Variants in TAF3 observed in about 807,000 individuals in gnomAD.
The protein encoded by TAF3 is transcription initiation factor TFIID subunit 3.
Under a neutral mutation model 80.6 loss-of-function variants are expected in TAF3, and 7 were observed. That is an observed-to-expected ratio of 0.09 (90% CI 0.05 to 0.16). The LOEUF (loss-of-function observed/expected upper bound fraction) is 0.16, where lower values mean the gene tolerates loss of function less well. Among genes scored for constraint, TAF3 ranks in the 10% least tolerant of loss-of-function variants. The pLI, the probability that TAF3 is intolerant of heterozygous loss-of-function variation, is 1.00. For missense variants in TAF3, 921 were observed against 1,140.2 expected (o/e 0.81, Z 2.77); for synonymous variants, 444 against 446.1 (o/e 1.00, Z 0.06).
intron 2 of TAF3, among the ~76,000 whole-genome samples, chr10:7,922,483 T>C (rs1214975141): frequency 1.3e-5 from 2 of 152,106 alleles, no homozygotes; most frequent in Non-Finnish European, 2.9e-5. Context: ...TACCTCAATA[T>C]CTTTTTAAAT....
intron 2 of TAF3, among the ~76,000 whole-genome samples, chr10:7,918,082 G>T (rs1837728923): frequency 6.6e-6 from 1 of 152,212 alleles, no homozygotes; most frequent in Non-Finnish European, 1.5e-5. Context: ...CTCATGGATG[G>T]TTAGTGTGGG....
intron 2 of TAF3, among the ~76,000 whole-genome samples, chr10:7,856,584 G>A (rs1837082094): frequency 6.6e-6 from 1 of 152,122 alleles, no homozygotes; most frequent in Admixed American, 6.5e-5. Context: ...CAGAGCAGAA[G>A]CCTAGGAGCA....
In TAF3 at chr10:7,965,559, A is replaced by G; in HGVS notation, c.2049A>G (p.Pro683=). The G allele has an allele frequency of 1.2e-6, 2 of 1,600,472 alleles. No homozygotes were observed. The highest frequency in any genetic ancestry group is 1.7e-6 in the Non-Finnish European group (2 of 1,176,736). The change falls in exon 3 of 7, where the codon CCA becomes CCG. Residue 683 remains proline, a synonymous_variant. Coordinates refer to ENST00000344293, the MANE Select transcript of TAF3 (RefSeq NM_031923.4). The part of the protein sequence containing the change: ...RVPAMLPSLL[P]VLPEKLFEEK... ...CAGCCATGCTGCCATCTTTGTTGCC[A>G]GTGCTTCCGGAAAAACTGTTTGAGG...
chr10:7,849,721 C>G (rs943269331), intron 2 of TAF3, among the ~76,000 whole-genome samples: 2 of 151,708 alleles, frequency 1.3e-5, no homozygotes, highest in Non-Finnish European at 2.9e-5. Context: ...ACTCTGTCAC[C>G]CAGGCTGGAG....
At chr10:7,881,239 C>CAA (rs367722402) in intron 2 of TAF3, among the ~76,000 whole-genome samples, 22 of 109,140 alleles carry the variant, frequency 2.0e-4, no homozygotes, top group African/African-American at 5.9e-4. Context: ...GACCCTGTCT[C>CAA]AAAAAAAAAA....
intron 2 of TAF3, among the ~76,000 whole-genome samples, chr10:7,899,598 A>G (rs1235462107): frequency 6.6e-6 from 1 of 152,190 alleles, no homozygotes; most frequent in Non-Finnish European, 1.5e-5. Flanking sequence ...GAAGGTTAAG[A>G]CAGTCTGTGC....
At chr10:7,890,592 G>A (rs1837449492) in intron 2 of TAF3, among the ~76,000 whole-genome samples, 1 of 152,218 alleles carries the variant, frequency 6.6e-6, no homozygotes, top group Admixed American at 6.5e-5. Flanking sequence ...TTCTGTGAGT[G>A]TTGATTGTCT....
At chr10:7,878,667 G>C (rs17143053) in intron 2 of TAF3, among the ~76,000 whole-genome samples, 2,498 of 152,116 alleles carry the variant, frequency 0.016, 69 homozygotes, top group African/African-American at 0.057. Flanking sequence ...TCCCTCTCTA[G>C]ATGCACTATA....
intron 4 of TAF3, among the ~76,000 whole-genome samples, chr10:8,002,691 C>T (rs1159462008): frequency 6.6e-6 from 1 of 152,024 alleles, no homozygotes; most frequent in Admixed American, 6.5e-5. Flanking sequence ...TTTTAAATGT[C>T]CATAGAGTCA....
At chr10:7,966,083 C>T (rs1184037646) in intron 3 of TAF3, among the ~76,000 whole-genome samples, 1 of 152,074 alleles carries the variant, frequency 6.6e-6, no homozygotes, top group East Asian at 1.9e-4. Flanking sequence ...ATCAAGTGTA[C>T]TGCATTATAT....
intron 2 of TAF3, among the ~76,000 whole-genome samples, chr10:7,827,868 G>A (rs1836759332): frequency 6.6e-6 from 1 of 151,786 alleles, no homozygotes; most frequent in Non-Finnish European, 1.5e-5. Flanking sequence ...GTGGTGGGAG[G>A]ATCAGTTGAG....
In TAF3 at chr10:7,964,854, C is replaced by T. The variant is rs377702300; in HGVS notation, c.1344C>T (p.Ser448=). Residue 448 remains serine (S), a synonymous_variant, in exon 3 of 7, where the codon TCC becomes TCT. Transcript: ENST00000344293. The surrounding 1 kb of genome is among the most constrained non-coding windows in gnomAD (Gnocchi z 4.1). ...TSANNFTKSG[S]TPLPLSGGTS... ...CGAACAATTTCACAAAGTCAGGATCCACTCCTCTGCCTCTTTCCGGTGGAA... is the reference window on the plus strand; with the variant it reads ...CGAACAATTTCACAAAGTCAGGATCTACTCCTCTGCCTCTTTCCGGTGGAA... The T allele has an allele frequency of 2.5e-6, 4 of 1,614,072 alleles. No individual in the cohort carries two copies. The African/African-American group carries it at 4.0e-5, about 16-fold the overall frequency.
At chr10:8,006,312 G>T (rs1050839301) in intron 4 of TAF3, among the ~76,000 whole-genome samples, 1 of 151,750 alleles carries the variant, frequency 6.6e-6, no homozygotes, top group Non-Finnish European at 1.5e-5. Flanking sequence ...GGAGGCGGAG[G>T]TTGCAGTGAG....
intron 5 of TAF3, among the ~76,000 whole-genome samples, chr10:8,013,512 A>G (rs1346275365): frequency 1.3e-5 from 2 of 152,200 alleles, no homozygotes; most frequent in Admixed American, 6.5e-5. Context: ...ATTCGTTAGA[A>G]ATGCCTTATC....
At chr10:7,872,403 G>A (rs1038896628) in intron 2 of TAF3, among the ~76,000 whole-genome samples, 2 of 151,992 alleles carry the variant, frequency 1.3e-5, no homozygotes, top group African/African-American at 4.8e-5. Context: ...CTGTGTTCGT[G>A]TATAGCCAAT....
chr10:7,958,485 T>G (rs1838157778), intron 2 of TAF3, among the ~76,000 whole-genome samples: 1 of 145,978 alleles, frequency 6.9e-6, no homozygotes, highest in Non-Finnish European at 1.5e-5. Flanking sequence ...TAATGTTGGG[T>G]AAAAATTAAA....
intron 2 of TAF3, among the ~76,000 whole-genome samples, chr10:7,944,008 G>A (rs1486322403): frequency 6.6e-6 from 1 of 151,834 alleles, no homozygotes; most frequent in African/African-American, 2.4e-5. Context: ...CAATTGATAT[G>A]CGTAAGAGGA....
At chr10:7,835,808 C>T (rs944851660) in intron 2 of TAF3, among the ~76,000 whole-genome samples, 23 of 152,270 alleles carry the variant, frequency 1.5e-4, no homozygotes, top group African/African-American at 2.2e-4. Flanking sequence ...GCCTCATACT[C>T]GGGTCTCATG....
At chr10:7,884,333 C>T (rs1488354503) in intron 2 of TAF3, among the ~76,000 whole-genome samples, 2 of 151,360 alleles carry the variant, frequency 1.3e-5, no homozygotes, top group South Asian at 2.1e-4. Context: ...GATCTAGGCT[C>T]TTCTTGTACT....
Sources: allele counts gnomAD v4.1 joint callset (sites outside exome capture counted in the v4.1 genomes callset), GRCh38; gene constraint gnomAD v4.1.1; non-coding constraint Gnocchi (gnomAD v3.1); transcripts MANE v1.5; gene names NCBI Gene and HGNC (gene_info 2026-07-23, HGNC 2026-07-21).